The following GLP1R variants were observed in gnomAD, a reference collection of about 807,000 sequenced individuals.
The protein encoded by GLP1R is glucagon-like peptide 1 receptor.
In GLP1R, 32 loss-of-function variants were observed where a neutral mutation model predicts 68.4. The ratio of observed to expected loss-of-function variants is 0.47; its 90% CI spans 0.35 to 0.63. The LOEUF (loss-of-function observed/expected upper bound fraction) is 0.63, where lower values mean the gene tolerates loss of function less well. Ranked by LOEUF, GLP1R falls within the 20% of genes least tolerant of loss-of-function variation. The probability of loss-of-function intolerance (pLI) is 0.00; values close to 1 mark genes in which losing one functional copy is unlikely to be tolerated. For missense variants in GLP1R, 502 were observed against 594.9 expected (o/e 0.84, Z 1.62); for synonymous variants, 263 against 244.4 (o/e 1.08, Z -0.71).
intron 7 of GLP1R, among the ~76,000 whole-genome samples, chr6:39,076,026 G>A (rs1768815807): frequency 6.6e-6 from 1 of 152,232 alleles, no homozygotes; most frequent in African/African-American, 2.4e-5. Flanking sequence ...CATGCAGCAG[G>A]GCTTTCGTGA....
chr6:39,070,276 T>C (rs1438724168), intron 5 of GLP1R, among the ~76,000 whole-genome samples: 2 of 152,230 alleles, frequency 1.3e-5, no homozygotes, highest in Non-Finnish European at 2.9e-5. Context: ...TATGTTTGTG[T>C]GAGATTCATT....
intron 3 of GLP1R, among the ~76,000 whole-genome samples, chr6:39,059,637 C>G (rs1423008257): frequency 6.6e-6 from 1 of 152,120 alleles, no homozygotes; most frequent in Non-Finnish European, 1.5e-5. Context: ...TCGGGAGGAC[C>G]ACAGGGCCTT....
At position 39,057,500 on chromosome 6, in the gene GLP1R, A is replaced by C; in HGVS notation, c.204A>C (p.Glu68Asp). ...TGTTCTGCAACCGGACCTTCGATGA[A>C]TACGCCTGCTGGCCAGATGGGGAGC... ...TDLFCNRTFD[E>D]YACWPDGEPG... is the part of the protein sequence containing the mutation. The change falls in exon 3 of 13, where the codon GAA becomes GAC. Residue 68 changes from glutamate (E) to aspartate (D), a missense_variant. Transcript: ENST00000373256. 6.2e-7 allele frequency: 1 copy of C among 1,613,468 alleles called. No homozygotes were observed. The highest frequency in any genetic ancestry group is 8.5e-7 in the Non-Finnish European group (1 of 1,179,492).
chr6:39,085,985 CCCT>C lies in GLP1R; in HGVS notation c.1306_1308del (p.Leu436del). On this transcript the variant is annotated inframe_deletion, in exon 13 of 13. Transcript: ENST00000373256. The stretch of plus-strand genomic sequence containing the variant: ...ATCCAGAGGGACAGCAGCATGAAGC[CCCT>C]CAAGTGTCCCACCAGCAGCCTGAGC... 2 of 1,613,952 alleles carry C rather than the reference CCCT, an allele frequency of 1.2e-6. No individual in the cohort carries two copies. Among genetic ancestry groups the C allele is most frequent in the Non-Finnish European group, 1.7e-6 (2 of 1,179,930 alleles).
chr6:39,050,296 C>T (rs1249402351), intron 1 of GLP1R, among the ~76,000 whole-genome samples: 1 of 152,192 alleles, frequency 6.6e-6, no homozygotes, highest in Non-Finnish European at 1.5e-5. Flanking sequence ...GTTCCCTCCT[C>T]TTACGGACTG....
chr6:39,076,473 C>A (rs925176959), intron 7 of GLP1R, among the ~76,000 whole-genome samples: 1 of 152,124 alleles, frequency 6.6e-6, no homozygotes, highest in African/African-American at 2.4e-5. Flanking sequence ...CCGCTGGGGG[C>A]TCCTTTGCCT....
chr6:39,069,806 A>G (rs1768611480), intron 5 of GLP1R, among the ~76,000 whole-genome samples: 1 of 150,464 alleles, frequency 6.6e-6, no homozygotes, highest in Non-Finnish European at 1.5e-5. Flanking sequence ...ATGACTCCCC[A>G]CTCTCGGTAC....
intron 1 of GLP1R, among the ~76,000 whole-genome samples, chr6:39,056,134 G>A (rs1768207663): frequency 6.6e-6 from 1 of 152,078 alleles, no homozygotes; most frequent in African/African-American, 2.4e-5. Context: ...CTCCCCAAAA[G>A]CATCAATTTA....
Position 39,073,593 on chromosome 6 carries a change from C to T in GLP1R, c.664-17C>T, listed in dbSNP as rs1441352263. 2.5e-6 allele frequency: 4 copies of T among 1,611,844 alleles called. No individual in the cohort carries two copies. Among genetic ancestry groups the T allele is most frequent in the Middle Eastern group, 1.7e-4 (1 of 5,718 alleles). ...GGCAGAGCTGTTGTCCCCATGACAC[C>T]CTTCCTCTACCCCCAGGACTCTCTG... On this transcript the variant is annotated splice_polypyrimidine_tract_variant and intron_variant, in intron 6 of 12. Coordinates refer to ENST00000373256, the MANE Select transcript of GLP1R (RefSeq NM_002062.5).
Position 39,091,163 on chromosome 6 carries a change from A to G in GLP1R, c.*5090A>G, listed in dbSNP as rs1769268496. The stretch of plus-strand genomic sequence containing the variant: ...AAGATCATTTCCAGGTGATTTCTTA[A>G]CATATAAATTCCTGCAAAATAGGAC... On this transcript the variant is annotated 3_prime_UTR_variant, in exon 13 of 13. Coordinates refer to ENST00000373256, the MANE Select transcript of GLP1R (RefSeq NM_002062.5). Among the ~76,000 whole-genome samples the G allele has an allele frequency of 6.6e-6, 1 of 152,220 alleles. No individual in the cohort carries two copies. Among genetic ancestry groups the G allele is most frequent in the South Asian group, 2.1e-4 (1 of 4,826 alleles).
At position 39,086,166 on chromosome 6, in the gene GLP1R, GACACACACAC is replaced by G. The variant is rs34093988; in HGVS notation, c.*123_*132del. 1.4e-3 allele frequency: 838 copies of G among 582,224 alleles called. No individual in the cohort carries two copies. Among genetic ancestry groups the G allele is most frequent in the African/African-American group, 4.0e-3 (189 of 47,646 alleles). 36.1% of individuals were successfully genotyped at this position (582,224 alleles called of 1,614,324 possible). On this transcript the variant is annotated 3_prime_UTR_variant, in exon 13 of 13. Coordinates refer to ENST00000373256, the MANE Select transcript of GLP1R (RefSeq NM_002062.5). The surrounding 1 kb of genome is among the most constrained non-coding windows in gnomAD (Gnocchi z 4.5). The stretch of plus-strand genomic sequence containing the variant: ...ACTCCCAGGGACAAGGGAAGGAAGG[GACACACACAC>G]ACACACACACACACACACACACACA...
chr6:39,072,962 A>G lies in GLP1R; in HGVS notation c.610A>G (p.Met204Val). The G allele has an allele frequency of 6.2e-7, 1 of 1,614,140 alleles. No individual in the cohort carries two copies. The highest frequency in any genetic ancestry group is 8.5e-7 in the Non-Finnish European group (1 of 1,179,996). ...CATCAAGGACGCAGCCCTGAAGTGGATGTATAGCACAGCCGCCCAGCAGCA... is the reference window on the plus strand; with the variant it reads ...CATCAAGGACGCAGCCCTGAAGTGGGTGTATAGCACAGCCGCCCAGCAGCA... ...VFIKDAALKW[M>V]YSTAAQQHQW... The change falls in exon 6 of 13, where the codon ATG becomes GTG. Residue 204 changes from methionine (M) to valine (V), a missense_variant. Coordinates refer to ENST00000373256, the MANE Select transcript of GLP1R (RefSeq NM_002062.5).
At chr6:39,077,747 T>C (rs1768868195) in intron 7 of GLP1R, among the ~76,000 whole-genome samples, 2 of 151,980 alleles carry the variant, frequency 1.3e-5, no homozygotes, top group Admixed American at 1.3e-4. Flanking sequence ...GTTGTAGCTG[T>C]TGTTATTGTA....
rs202127713 is a variant in GLP1R, at chr6:39,065,681, G to A, written c.284-30G>A. On this transcript the variant is annotated intron_variant, in intron 3 of 12. Coordinates refer to ENST00000373256, the MANE Select transcript of GLP1R (RefSeq NM_002062.5). ...TGGGCAGGCTGCCCTATTCTGGGCTGAGGCTCAGGGCCAGGTCTCCCCACC... is the reference window on the plus strand; with the variant it reads ...TGGGCAGGCTGCCCTATTCTGGGCTAAGGCTCAGGGCCAGGTCTCCCCACC... 4 of 1,436,206 alleles carry A rather than the reference G, an allele frequency of 2.8e-6. No individual in the cohort carries two copies. The South Asian group carries it at 4.9e-5, about 18-fold the overall frequency. The allele number at this position is 1,436,206 out of a possible 1,614,324, so 89.0% of individuals were successfully genotyped here. A position where few individuals can be genotyped will look rare whatever the true frequency, so the allele number is the denominator to read the frequency against.
In GLP1R at chr6:39,079,552, C is replaced by T. The variant is rs769817999; in HGVS notation, c.1044-12C>T. ...GTCCAGAATGACTCGAGATCTCTGCCCTGCCCCTCAGACTTGCCAAGTCCA... is the reference window on the plus strand; with the variant it reads ...GTCCAGAATGACTCGAGATCTCTGCTCTGCCCCTCAGACTTGCCAAGTCCA... On this transcript the variant is annotated splice_polypyrimidine_tract_variant and intron_variant, in intron 10 of 12. Transcript: ENST00000373256. The surrounding 1 kb of genome is among the most constrained non-coding windows in gnomAD (Gnocchi z 4.5). 6.3e-7 allele frequency: 1 copy of T among 1,582,814 alleles called. No individual in the cohort carries two copies. Among genetic ancestry groups the T allele is most frequent in the Non-Finnish European group, 8.6e-7 (1 of 1,166,954 alleles).
At chr6:39,066,066 T>C in intron 4 of GLP1R, 131 bp from the exon 5 acceptor site, 1 of 627,502 alleles carries the variant, frequency 1.6e-6, no homozygotes, top group Non-Finnish European at 2.9e-6. Flanking sequence ...GGTTATTCTC[T>C]TTCTTGGTCT....
chr6:39,057,328 G>A (rs1768238097), intron 2 of GLP1R, 144 bp from the exon 3 acceptor site: 1 of 626,562 alleles, frequency 1.6e-6, no homozygotes, highest in Non-Finnish European at 2.9e-6. Context: ...TTGCTGGGTG[G>A]GGAAAGTGCT....
At position 39,061,307 on chromosome 6, in the gene GLP1R, C is replaced by T. The variant is rs182227697; in HGVS notation, c.283+3728C>T. 1.5e-3 allele frequency among the ~76,000 whole-genome samples: 233 copies of T among 152,244 alleles called. 3 individuals are homozygous for T. Among genetic ancestry groups the T allele is most frequent in the Admixed American group, 0.011 (167 of 15,294 alleles). ...AAGTGGCTTCAGAGAGCCTGTTGGC[C>T]GCCCGAGGGCCCTTCAGCAGCCTCG... On this transcript the variant is annotated intron_variant, in intron 3 of 12. Transcript: ENST00000373256.
In GLP1R at chr6:39,062,955, G is replaced by A. The variant is rs990564115; in HGVS notation, c.284-2756G>A. 2.6e-5 allele frequency among the ~76,000 whole-genome samples: 4 copies of A among 152,236 alleles called. No homozygotes were observed. The East Asian group carries it at 5.8e-4, about 22-fold the overall frequency. On this transcript the variant is annotated intron_variant, in intron 3 of 12. Transcript: ENST00000373256. ...CACAGCCTATGGAAAGAGCAAGTAAGGAGCATGTTGTGAAGGAATCTGCAA... is the reference window on the plus strand; with the variant it reads ...CACAGCCTATGGAAAGAGCAAGTAAAGAGCATGTTGTGAAGGAATCTGCAA...
Sources: gnomAD v4.1 joint callset for allele counts (sites outside exome capture counted in the v4.1 genomes callset) on GRCh38, gnomAD v4.1.1 for gene constraint, Gnocchi (gnomAD v3.1) non-coding constraint, MANE v1.5 for transcripts, NCBI Gene and HGNC (gene_info 2026-07-23, HGNC 2026-07-21) for gene names.